MEI4: variants seen among roughly 807,000 people sequenced by gnomAD.
MEI4 encodes the protein meiosis-specific protein MEI4.
A neutral mutation model predicts 31.4 loss-of-function variants in MEI4; 27 were observed. The ratio of observed to expected loss-of-function variants is 0.86; its 90% CI spans 0.63 to 1.19. The LOEUF is 1.19. Among genes scored for constraint, MEI4 ranks in the 50% most tolerant of loss-of-function variants. The pLI is 0.00. For synonymous variants in MEI4, 122 were observed against 145.4 expected (o/e 0.84, Z 1.16); for missense variants, 329 against 398.9 (o/e 0.82, Z 1.49).
At chr6:77,766,530 C>T (rs1768179026) in intron 3 of MEI4, among the ~76,000 whole-genome samples, 1 of 152,186 alleles carries the variant, frequency 6.6e-6, no homozygotes, top group Non-Finnish European at 1.5e-5. Context: ...TCTCCTGCCT[C>T]AGCCTTCTGA....
At chr6:77,661,743 G>A (rs1768514311) in intron 1 of MEI4, among the ~76,000 whole-genome samples, 1 of 152,136 alleles carries the variant, frequency 6.6e-6, no homozygotes, top group Non-Finnish European at 1.5e-5. Context: ...TGTGAGGCTG[G>A]AAGGAGATAT....
chr6:77,823,123 TCTC>T (rs1056334442), intron 3 of MEI4, among the ~76,000 whole-genome samples: 6 of 152,090 alleles, frequency 3.9e-5, no homozygotes, highest in East Asian at 3.9e-4. Flanking sequence ...TCAGGAATAA[TCTC>T]CTCCCTTACA....
At chr6:77,774,828 A>G (rs928024451) in intron 3 of MEI4, among the ~76,000 whole-genome samples, 5 of 151,990 alleles carry the variant, frequency 3.3e-5, no homozygotes, top group Non-Finnish European at 7.4e-5. Context: ...TTAGTTTTCT[A>G]TGGCTGCTGT....
chr6:77,835,373 A>C (rs868661089), intron 4 of MEI4, among the ~76,000 whole-genome samples: 20 of 96,802 alleles, frequency 2.1e-4, no homozygotes, highest in African/African-American at 6.6e-4. Flanking sequence ...AACAAAACAA[A>C]ACACACACAC....
intron 3 of MEI4, among the ~76,000 whole-genome samples, chr6:77,775,101 G>T (rs982837220): frequency 2.0e-5 from 3 of 151,890 alleles, no homozygotes; most frequent in African/African-American, 7.3e-5. Context: ...GAATATTTGC[G>T]ACGGCATTTA....
At chr6:77,654,262 A>G (rs969344217) in intron 1 of MEI4, among the ~76,000 whole-genome samples, 8 of 152,194 alleles carry the variant, frequency 5.3e-5, no homozygotes, top group Non-Finnish European at 1.2e-4. Flanking sequence ...AAAGGCAGAG[A>G]TAGACTTGTT....
In MEI4 at chr6:77,671,099, C is replaced by T. The variant is rs576203619; in HGVS notation, c.-15+18007C>T. Among the ~76,000 whole-genome samples the T allele has an allele frequency of 1.0e-4, 15 of 148,358 alleles. No homozygotes were observed. The South Asian group carries it at 2.8e-3, about 28-fold the overall frequency. On this transcript the variant is annotated intron_variant, in intron 1 of 4. Coordinates refer to ENST00000684080, the MANE Select transcript of MEI4 (RefSeq NM_001322247.2). ...TTGAGATGGAGTCTTGCTCTGTCACCCAGGCTGGAGTGCAGTGGCGCAATC... is the reference window on the plus strand; with the variant it reads ...TTGAGATGGAGTCTTGCTCTGTCACTCAGGCTGGAGTGCAGTGGCGCAATC...
chr6:77,651,521 A>C (rs777732127), upstream of MEI4, among the ~76,000 whole-genome samples: 3 of 152,252 alleles, frequency 2.0e-5, no homozygotes, highest in Non-Finnish European at 4.4e-5. Context: ...TGTAAAATTG[A>C]TTACACACAT....
intron 3 of MEI4, among the ~76,000 whole-genome samples, chr6:77,807,866 C>T (rs764295173): frequency 2.6e-5 from 4 of 152,116 alleles, no homozygotes; most frequent in Non-Finnish European, 4.4e-5. Context: ...AGTTAAACAC[C>T]TTGGCTGCAT....
rs922153293 is a variant in MEI4, at chr6:77,883,742, A to ATATATATATG, written c.901-39345_901-39344insTATATATGTA. Among the ~76,000 whole-genome samples the ATATATATATG allele has an allele frequency of 1.4e-5, 2 of 139,854 alleles. 1 individual carries two copies. Among genetic ancestry groups the ATATATATATG allele is most frequent in the African/African-American group, 5.6e-5 (2 of 35,870 alleles). 91.7% of individuals were successfully genotyped at this position (139,854 alleles called of 152,430 possible). A position where few individuals can be genotyped will look rare whatever the true frequency, so the allele number is the denominator to read the frequency against. ...GATATATATATATATATATATATAT[A>ATATATATATG]TAACTTTGTCTTTGTCTATTCATTT... On this transcript the variant is annotated intron_variant, in intron 4 of 4. Coordinates refer to ENST00000684080, the MANE Select transcript of MEI4 (RefSeq NM_001322247.2).
intron 4 of MEI4, among the ~76,000 whole-genome samples, chr6:77,904,945 C>A (rs1021202188): frequency 6.6e-6 from 1 of 152,076 alleles, no homozygotes; most frequent in African/African-American, 2.4e-5. Context: ...GCCACTTTTA[C>A]AATATTAGAA....
intron 4 of MEI4, among the ~76,000 whole-genome samples, chr6:77,849,941 T>C (rs964663398): frequency 1.3e-5 from 2 of 152,170 alleles, no homozygotes; most frequent in Non-Finnish European, 2.9e-5. Context: ...ACATCTAATA[T>C]TAAAGTATAA....
chr6:77,835,768 T>C (rs1770205309), intron 4 of MEI4, among the ~76,000 whole-genome samples: 1 of 152,064 alleles, frequency 6.6e-6, no homozygotes, highest in Non-Finnish European at 1.5e-5. Context: ...ATAACATAAA[T>C]TTCTATTTTA....
chr6:77,732,364 C>T (rs568754285), intron 2 of MEI4, among the ~76,000 whole-genome samples: 1 of 152,028 alleles, frequency 6.6e-6, no homozygotes, highest in South Asian at 2.1e-4. Flanking sequence ...ATTTGGATTC[C>T]TAGGTATTTT....
chr6:77,733,900 A>G (rs1767094328), intron 2 of MEI4, among the ~76,000 whole-genome samples: 1 of 152,092 alleles, frequency 6.6e-6, no homozygotes, highest in South Asian at 2.1e-4. Context: ...GTAGTCATTC[A>G]GGAGCATGTT....
chr6:77,912,049 T>G (rs1766446246), intron 4 of MEI4, among the ~76,000 whole-genome samples: 1 of 152,086 alleles, frequency 6.6e-6, no homozygotes, highest in African/African-American at 2.4e-5. Flanking sequence ...CACATATGGA[T>G]ATACAACTTA....
At chr6:77,747,388 T>TGA (rs1767640800) in intron 2 of MEI4, among the ~76,000 whole-genome samples, 1 of 152,120 alleles carries the variant, frequency 6.6e-6, no homozygotes, top group Non-Finnish European at 1.5e-5. Flanking sequence ...TTTAATTGAC[T>TGA]CACAGTTCCA....
At chr6:77,663,644 C>T (rs1768558294) in intron 1 of MEI4, among the ~76,000 whole-genome samples, 1 of 152,048 alleles carries the variant, frequency 6.6e-6, no homozygotes, top group Non-Finnish European at 1.5e-5. Flanking sequence ...TGTCAATACC[C>T]ACAACAGTTA....
chr6:77,780,273 A>G lies in MEI4; in HGVS notation c.768+18608A>G, dbSNP rs556741736. Among the ~76,000 whole-genome samples the G allele has an allele frequency of 3.4e-4, 52 of 152,326 alleles. No individual in the cohort carries two copies. The Middle Eastern group carries it at 0.01, about 30-fold the overall frequency. On this transcript the variant is annotated intron_variant, in intron 3 of 4. Coordinates refer to ENST00000684080, the MANE Select transcript of MEI4 (RefSeq NM_001322247.2). ...CAAAGGAATATAAGGGAGTTTATCT[A>G]AAGAGCTTGTTTACACATGTGATCC... is the stretch of plus-strand genomic sequence containing the variant.
Sources: gnomAD v4.1 joint callset for allele counts (sites outside exome capture counted in the v4.1 genomes callset) on GRCh38, gnomAD v4.1.1 for gene constraint, MANE v1.5 for transcripts, NCBI Gene and HGNC (gene_info 2026-07-23, HGNC 2026-07-21) for gene names.